The following PWWP3B variants were observed in gnomAD, a reference collection of about 807,000 sequenced individuals.
The protein encoded by PWWP3B is PWWP domain-containing DNA repair factor 3B.
In PWWP3B, 5 loss-of-function variants were observed where a neutral mutation model predicts 15.7. The observed-to-expected ratio is 0.32, with a 90% CI of 0.17 to 0.67. PWWP3B has a LOEUF of 0.67. PWWP3B is among the 30% of genes least tolerant of loss of function. The probability of loss-of-function intolerance (pLI) is 0.74; values close to 1 mark genes in which losing one functional copy is unlikely to be tolerated. For missense variants in PWWP3B, 519 were observed against 493.1 expected (o/e 1.05, Z -0.50); for synonymous variants, 203 against 179.8 (o/e 1.13, Z -1.03).
In PWWP3B at chrX:106,206,252, G is replaced by C; in HGVS notation, c.820G>C (p.Ala274Pro). 8.3e-7 allele frequency: 1 copy of C among 1,206,919 alleles called. No homozygotes were observed. Among genetic ancestry groups the C allele is most frequent in the Non-Finnish European group, 1.1e-6 (1 of 892,704 alleles). ...ETLAVPSECS[A>P]FSENIEDPGE... ...CCTGGCTGTTCCCTCTGAATGCTCT[G>C]CTTTCTCAGAGAATATTGAGGATCC... is the stretch of plus-strand genomic sequence containing the variant. Residue 274 changes from alanine to proline, a missense_variant, in exon 4 of 4, where the codon GCT becomes CCT. Ala to Pro is a conservative substitution (Grantham distance 27). Transcript: ENST00000357175.
chrX:106,203,710 A>G (rs1923831610), intron 2 of PWWP3B, among the ~76,000 whole-genome samples: 1 of 112,417 alleles, frequency 8.9e-6, no homozygotes, highest in South Asian at 3.7e-4. Flanking sequence ...CATAGTATAC[A>G]CAAGACAATT....
chrX:106,173,686 AAAAC>A (rs1380218322), intron 2 of PWWP3B, among the ~76,000 whole-genome samples: 2 of 112,077 alleles, frequency 1.8e-5, no homozygotes, highest in Non-Finnish European at 3.8e-5. Context: ...TTAAAAAACA[AAAAC>A]AAACAAAAAA....
chrX:106,193,095 G>T (rs1242433872), intron 2 of PWWP3B, among the ~76,000 whole-genome samples: 1 of 110,640 alleles, frequency 9.0e-6, no homozygotes, highest in Non-Finnish European at 1.9e-5. Context: ...CCTGGGTATT[G>T]TTAACTTTCT....
At chrX:106,175,093 T>C (rs983011782) in intron 2 of PWWP3B, among the ~76,000 whole-genome samples, 1 of 108,188 alleles carries the variant, frequency 9.2e-6, no homozygotes, top group Non-Finnish European at 1.9e-5. Flanking sequence ...TACTTTTTAA[T>C]TTGTGTGGGA....
intron 2 of PWWP3B, among the ~76,000 whole-genome samples, chrX:106,174,099 G>GCTGA (rs999419928): frequency 8.9e-6 from 1 of 111,951 alleles, no homozygotes; most frequent in African/African-American, 3.2e-5. Context: ...TTTGACCCAG[G>GCTGA]CTGACCCTTC....
chrX:106,195,209 T>C (rs1034534454), intron 2 of PWWP3B, among the ~76,000 whole-genome samples: 6 of 112,175 alleles, frequency 5.3e-5, no homozygotes, highest in African/African-American at 1.3e-4. Context: ...TATTTGGTTA[T>C]TCAATAATAA....
intron 2 of PWWP3B, among the ~76,000 whole-genome samples, chrX:106,196,747 G>A (rs1405099839): frequency 7.1e-5 from 8 of 111,946 alleles, no homozygotes; most frequent in African/African-American, 2.6e-4. Context: ...TTGATCTGAA[G>A]TTTTCTTTAT....
chrX:106,172,837 A>C (rs1921692713), intron 2 of PWWP3B, among the ~76,000 whole-genome samples: 1 of 111,855 alleles, frequency 8.9e-6, no homozygotes, highest in Non-Finnish European at 1.9e-5. Context: ...TTATGCCACT[A>C]TCAGTGTAGT....
At chrX:106,174,188 T>G (rs1326395332) in intron 2 of PWWP3B, among the ~76,000 whole-genome samples, 1 of 111,892 alleles carries the variant, frequency 8.9e-6, no homozygotes, top group Non-Finnish European at 1.9e-5. Flanking sequence ...TTCCATTTGA[T>G]CATTACAGGA....
At chrX:106,171,487 A>G (rs1334146570) in intron 2 of PWWP3B, among the ~76,000 whole-genome samples, 1 of 111,845 alleles carries the variant, frequency 8.9e-6, no homozygotes, top group Admixed American at 9.5e-5. Context: ...ACCATAAACT[A>G]GATAACATAG....
At chrX:106,171,533 T>G (rs1921613840) in intron 2 of PWWP3B, among the ~76,000 whole-genome samples, 1 of 111,649 alleles carries the variant, frequency 9.0e-6, no homozygotes, top group Non-Finnish European at 1.9e-5. Flanking sequence ...TAAGGTCTTA[T>G]GACCTTCTTG....
intron 2 of PWWP3B, among the ~76,000 whole-genome samples, chrX:106,171,702 A>G (rs1014980221): frequency 1.2e-4 from 13 of 105,700 alleles, no homozygotes; most frequent in African/African-American, 4.3e-4. Flanking sequence ...CCTACTACAC[A>G]CTTAGGCTAT....
At chrX:106,200,516 A>T (rs1923635339) in intron 2 of PWWP3B, among the ~76,000 whole-genome samples, 1 of 111,132 alleles carries the variant, frequency 9.0e-6, no homozygotes, top group African/African-American at 3.3e-5. Context: ...ATATATGAGT[A>T]ATACTACATA....
intron 2 of PWWP3B, among the ~76,000 whole-genome samples, chrX:106,184,811 A>C (rs1237744083): frequency 9.0e-6 from 1 of 111,431 alleles, no homozygotes; most frequent in East Asian, 2.8e-4. Context: ...ACATGTACCC[A>C]GGTTGGGCCA....
intron 2 of PWWP3B, among the ~76,000 whole-genome samples, chrX:106,194,536 C>T (rs1260512134): frequency 2.7e-5 from 3 of 112,149 alleles, no homozygotes; most frequent in Non-Finnish European, 5.6e-5. Flanking sequence ...CTTCTTCTCT[C>T]AGCTTGTCAA....
At chrX:106,187,428 G>A (rs1395944775) in intron 2 of PWWP3B, among the ~76,000 whole-genome samples, 1 of 111,937 alleles carries the variant, frequency 8.9e-6, no homozygotes, top group East Asian at 2.8e-4. Context: ...ACATTGCCTG[G>A]GAAGTATAAA....
At chrX:106,193,959 G>C (rs914259425) in intron 2 of PWWP3B, among the ~76,000 whole-genome samples, 1 of 111,615 alleles carries the variant, frequency 9.0e-6, no homozygotes, top group Non-Finnish European at 1.9e-5. Flanking sequence ...CTTTCTTTCT[G>C]GCTGCCCTTA....
At chrX:106,196,207 T>C (rs994577603) in intron 2 of PWWP3B, among the ~76,000 whole-genome samples, 1 of 112,007 alleles carries the variant, frequency 8.9e-6, no homozygotes, top group African/African-American at 3.2e-5. Context: ...ATTGGGATTT[T>C]CTACATACAT....
chrX:106,178,375 G>T (rs892081634), intron 2 of PWWP3B, among the ~76,000 whole-genome samples: 3 of 112,255 alleles, frequency 2.7e-5, no homozygotes, highest in African/African-American at 9.7e-5. Flanking sequence ...ACTTGAAAAG[G>T]TGTCTGAGAA....
Sources: allele counts gnomAD v4.1 joint callset (sites outside exome capture counted in the v4.1 genomes callset), GRCh38; gene constraint gnomAD v4.1.1; transcripts MANE v1.5; gene names NCBI Gene and HGNC (gene_info 2026-07-23, HGNC 2026-07-21).